The following EPHA2 variants were observed in gnomAD, a reference collection of about 807,000 sequenced individuals.
The protein encoded by EPHA2 is ephrin type-A receptor 2.
In EPHA2, 54 loss-of-function variants were observed where a neutral mutation model predicts 104.9. The observed-to-expected ratio is 0.51, with a 90% CI of 0.41 to 0.65. The LOEUF (loss-of-function observed/expected upper bound fraction) is 0.65. Ranked by LOEUF, EPHA2 falls within the 30% of genes least tolerant of loss-of-function variation. EPHA2 has a pLI of 0.00. For missense variants in EPHA2, 1,117 were observed against 1,369.5 expected (o/e 0.82, Z 2.91); for synonymous variants, 560 against 559.1 (o/e 1.00, Z -0.02).
At chr1:16,153,131 A>T (rs373072060) in intron 1 of EPHA2, 1 of 14,696 alleles carries the variant, frequency 6.8e-5, no homozygotes, top group Non-Finnish European at 1.6e-4. Flanking sequence ...TTCTGGGGGG[A>T]AAAAAAAAAA....
intron 1 of EPHA2, 94 bp downstream of exon 1, chr1:16,155,754 A>C: frequency 9.8e-7 from 1 of 1,018,630 alleles, no homozygotes; most frequent in Non-Finnish European, 1.3e-6. Context: ...GGGCGACACC[A>C]GGTAGGTTCC....
chr1:16,135,608 C>T lies in EPHA2; in HGVS notation c.1428+47G>A, dbSNP rs1296235945. 1 of 1,557,412 alleles carries T rather than the reference C, an allele frequency of 6.4e-7. No homozygotes were observed. Among genetic ancestry groups the T allele is most frequent in the African/African-American group, 1.4e-5 (1 of 73,890 alleles). ...GATCATCTATGTGACCAGCCTGTCCCCTGCTGTCGGCCCAGCTAGAGCCAG... is the reference window on the plus strand; with the variant it reads ...GATCATCTATGTGACCAGCCTGTCCTCTGCTGTCGGCCCAGCTAGAGCCAG... On this transcript the variant is annotated intron_variant, in intron 6 of 16. Coordinates refer to ENST00000358432, the MANE Select transcript of EPHA2 (RefSeq NM_004431.5). This position sits in a 1 kb window ranked among gnomAD's most constrained non-coding sequence, Gnocchi z 4.3.
In EPHA2 at chr1:16,134,825, T is replaced by C. The variant is rs1232243240; in HGVS notation, c.1582+211A>G. Among the ~76,000 whole-genome samples, 1 of 152,216 alleles carries C rather than the reference T, an allele frequency of 6.6e-6. No homozygotes were observed. The highest frequency in any genetic ancestry group is 1.5e-5 in the Non-Finnish European group (1 of 68,030). The stretch of plus-strand genomic sequence containing the variant: ...GGATTTGAACTTCCTCACACCACTG[T>C]CGTGAATCCACATCCCGGCTCCTCC... On this transcript the variant is annotated intron_variant, in intron 7 of 16. Transcript: ENST00000358432. This position sits in a 1 kb window ranked among gnomAD's most constrained non-coding sequence, Gnocchi z 4.5.
intron 16 of EPHA2, among the ~76,000 whole-genome samples, chr1:16,126,429 G>A (rs1266797817): frequency 2.6e-5 from 4 of 152,176 alleles, no homozygotes; most frequent in Non-Finnish European, 5.9e-5. Context: ...TTTCCCACAG[G>A]CTCCGGGAGC....
intron 3 of EPHA2, among the ~76,000 whole-genome samples, chr1:16,147,118 G>C (rs1397621194): frequency 6.6e-6 from 1 of 152,226 alleles, no homozygotes; most frequent in Non-Finnish European, 1.5e-5. Flanking sequence ...CATTGCTGTG[G>C]AGATTTCCGC....
rs775739772 is a variant in EPHA2, at chr1:16,148,791, C to T, written c.410G>A (p.Arg137His). ...DLDYGTNFQK[R>H]LFTKIDTIAP... ...AATGGTGTCAATCTTGGTGAACAGG[C>T]GCTTCTGGAAGTTGGTGCCGTAGTC... is the stretch of plus-strand genomic sequence containing the variant. The change falls in exon 3 of 17, where the codon CGC becomes CAC. Residue 137 changes from arginine to histidine, a missense_variant. Physicochemically the swap from Arg to His is conservative, Grantham distance 29. Coordinates refer to ENST00000358432, the MANE Select transcript of EPHA2 (RefSeq NM_004431.5). The surrounding 1 kb of genome is among the most constrained non-coding windows in gnomAD (Gnocchi z 4.9). 56 of 1,614,104 alleles carry T rather than the reference C, an allele frequency of 3.5e-5. No individual in the cohort carries two copies. The highest frequency in any genetic ancestry group is 3.2e-4 in the Admixed American group (19 of 60,024).
rs1361524505 is a variant in EPHA2 at position 16,155,854 on chromosome 1, T to C, written c.79A>G (p.Lys27Glu). 1.4e-6 allele frequency: 2 copies of C among 1,452,478 alleles called. No individual in the cohort carries two copies. The highest frequency in any genetic ancestry group is 1.4e-5 in the South Asian group (1 of 73,746). The allele number at this position is 1,452,478 out of a possible 1,614,324, so 90.0% of individuals were successfully genotyped here. A position where few individuals can be genotyped will look rare whatever the true frequency, so the allele number is the denominator to read the frequency against. The change falls in exon 1 of 17, where the codon AAG (lysine) becomes GAG (glutamate). Residue 27 changes from lysine to glutamate, a missense_variant. Transcript: ENST00000358432. ...ALAAAAAAQG[K>E]EVVLLDFAAA... Reference sequence around the variant, plus strand: ...AGACGCCGCGCGCACTCACCTTCCTTGCCCTGCGCCGCCGCGGCCGCGGCC... The same window carrying C: ...AGACGCCGCGCGCACTCACCTTCCTCGCCCTGCGCCGCCGCGGCCGCGGCC...
At chr1:16,144,796 G>C (rs2024895621) in intron 3 of EPHA2, among the ~76,000 whole-genome samples, 1 of 150,614 alleles carries the variant, frequency 6.6e-6, no homozygotes, top group African/African-American at 2.5e-5. Context: ...TCCTGTGCCA[G>C]GCCCCCGTTC....
chr1:16,125,284 G>A lies in EPHA2; in HGVS notation c.2862C>T (p.His954=). The A allele has an allele frequency of 6.2e-7, 1 of 1,613,842 alleles. No individual in the cohort carries two copies. The highest frequency in any genetic ancestry group is 1.1e-5 in the South Asian group (1 of 91,048). The change falls in exon 17 of 17, where the codon CAC becomes CAT. Residue 954 remains histidine, a synonymous_variant. Coordinates refer to ENST00000358432, the MANE Select transcript of EPHA2 (RefSeq NM_004431.5). This position sits in a 1 kb window ranked among gnomAD's most constrained non-coding sequence, Gnocchi z 4.9. The part of the protein sequence containing the change: ...IKRIGVRLPG[H]QKRIAYSLLG... ...GCAGGCTGTAGGCGATGCGCTTCTG[G>A]TGGCCGGGCAGCCGCACCCCAATCC... is the stretch of plus-strand genomic sequence containing the variant.
Position 16,155,877 on chromosome 1 carries a change from G to C in EPHA2, c.56C>G (p.Ala19Gly), listed in dbSNP as rs1208200708. The change falls in exon 1 of 17, where the codon GCC becomes GGC. Residue 19 changes from alanine to glycine, a missense_variant. By Grantham distance (60) the Ala-to-Gly change is moderately conservative. Transcript: ENST00000358432. ...CFALLWGCAL[A>G]AAAAAQGKEV... ...CTTGCCCTGCGCCGCCGCGGCCGCG[G>C]CCAGCGCACAGCCCCACAGCAGGGC... The C allele has an allele frequency of 6.8e-7, 1 of 1,464,944 alleles. No individual in the cohort carries two copies. The highest frequency in any genetic ancestry group is 9.0e-7 in the Non-Finnish European group (1 of 1,115,356). The allele number at this position is 1,464,944 out of a possible 1,614,324, so 90.7% of individuals were successfully genotyped here.
chr1:16,136,225 G>A (rs2024680301), intron 5 of EPHA2, among the ~76,000 whole-genome samples: 1 of 151,692 alleles, frequency 6.6e-6, no homozygotes. Context: ...CAGAGCACAG[G>A]GCCAGAGCCC....
Position 16,135,108 on chromosome 1 carries a change from G to A in EPHA2, c.1510C>T (p.Leu504=), listed in dbSNP as rs1045391499. The change falls in exon 7 of 17, where the codon CTG becomes TTG. Residue 504 remains leucine (L), a synonymous_variant. Transcript: ENST00000358432. This position sits in a 1 kb window ranked among gnomAD's most constrained non-coding sequence, Gnocchi z 4.3. ...TGCGTCAGTGCCTGCACCTGGACCA[G>A]GTAGGTGGTGTCTGGGGCCAGGTCG... ...LDDLAPDTTY[L]VQVQALTQEG... 3 of 1,613,892 alleles carry A rather than the reference G, an allele frequency of 1.9e-6. No homozygotes were observed. Among genetic ancestry groups the A allele is most frequent in the Non-Finnish European group, 2.5e-6 (3 of 1,180,036 alleles).
In EPHA2 at chr1:16,131,853, G is replaced by A. The variant is rs1194179533; in HGVS notation, c.2343C>T (p.Ile781=). Residue 781 remains isoleucine (I), a synonymous_variant, in exon 14 of 17, where the codon ATC becomes ATT. Coordinates refer to ENST00000358432, the MANE Select transcript of EPHA2 (RefSeq NM_004431.5). The surrounding 1 kb of genome is among the most constrained non-coding windows in gnomAD (Gnocchi z 5.2). The part of the protein sequence containing the change: ...TYTTSGGKIP[I]RWTAPEAISY... ...AAATGGCCTCCGGGGCGGTCCAGCG[G>A]ATGGGGATCTTGCCGCCCTGCAGGG... 6.2e-7 allele frequency: 1 copy of A among 1,613,818 alleles called. No individual in the cohort carries two copies. Among genetic ancestry groups the A allele is most frequent in the African/African-American group, 1.3e-5 (1 of 74,938 alleles).
Position 16,125,438 on chromosome 1 carries a change from G to A in EPHA2, c.2826-118C>T. The A allele has an allele frequency of 6.9e-6, 5 of 729,784 alleles. No homozygotes were observed. Among genetic ancestry groups the A allele is most frequent in the Non-Finnish European group, 1.1e-5 (5 of 444,630 alleles). The allele number at this position is 729,784 out of a possible 1,614,324, so 45.2% of individuals were successfully genotyped here. ...AGGGGAGTGGAGGGAGGCAGAGGAG[G>A]AGGGTGGAGAGGGTGCCTTGGGGAC... On this transcript the variant is annotated intron_variant, in intron 16 of 16. Coordinates refer to ENST00000358432, the MANE Select transcript of EPHA2 (RefSeq NM_004431.5). This position sits in a 1 kb window ranked among gnomAD's most constrained non-coding sequence, Gnocchi z 4.9.
Position 16,132,131 on chromosome 1 carries a change from C to A in EPHA2, c.2258G>T (p.Cys753Phe). The stretch of plus-strand genomic sequence containing the variant: ...GGACAGGCCAAAGTCAGACACCTTG[C>A]AGACCAGGTTGCTGTTGACGAGGAT... ...RNILVNSNLVCKVSDFGLSRV... is the reference protein window; with the variant it reads ...RNILVNSNLVFKVSDFGLSRV... Residue 753 changes from cysteine to phenylalanine, a missense_variant, in exon 13 of 17, where the codon TGC becomes TTC. Around this residue, in one of 3 missense-constraint regions of EPHA2, gnomAD observed 340 missense variants for 480.5 expected, o/e 0.71. Coordinates refer to ENST00000358432, the MANE Select transcript of EPHA2 (RefSeq NM_004431.5). 1 of 1,614,238 alleles carries A rather than the reference C, an allele frequency of 6.2e-7. No individual in the cohort carries two copies. The highest frequency in any genetic ancestry group is 8.5e-7 in the Non-Finnish European group (1 of 1,180,032).
Position 16,131,500 on chromosome 1 carries a change from A to C in EPHA2, c.2475+221T>G, listed in dbSNP as rs532266618. On this transcript the variant is annotated intron_variant, in intron 14 of 16. Coordinates refer to ENST00000358432, the MANE Select transcript of EPHA2 (RefSeq NM_004431.5). This position sits in a 1 kb window ranked among gnomAD's most constrained non-coding sequence, Gnocchi z 5.2. ...GAGGCTGAGGCAGGAGAATTGCTTGAACCTGGGAGGTGGAGGTTGCAGTGA... is the reference window on the plus strand; with the variant it reads ...GAGGCTGAGGCAGGAGAATTGCTTGCACCTGGGAGGTGGAGGTTGCAGTGA... 1.3e-5 allele frequency among the ~76,000 whole-genome samples: 2 copies of C among 152,238 alleles called. No homozygotes were observed. The highest frequency in any genetic ancestry group is 3.9e-4 in the East Asian group (2 of 5,170).
In EPHA2 at chr1:16,134,929, G is replaced by A. The variant is rs142145075; in HGVS notation, c.1582+107C>T. On this transcript the variant is annotated intron_variant, in intron 7 of 16. Coordinates refer to ENST00000358432, the MANE Select transcript of EPHA2 (RefSeq NM_004431.5). This position sits in a 1 kb window ranked among gnomAD's most constrained non-coding sequence, Gnocchi z 4.5. The stretch of plus-strand genomic sequence containing the variant: ...GGGCTGTCCCAGGCCGCCGGTGACC[G>A]AGAAAGGGGCATTTCTAAGTTATTT... 1.1e-3 allele frequency: 1,695 copies of A among 1,545,490 alleles called. 3 individuals carry two copies. The highest frequency in any genetic ancestry group is 1.4e-3 in the Non-Finnish European group (1,582 of 1,142,306).
intron 16 of EPHA2, among the ~76,000 whole-genome samples, chr1:16,129,128 T>C (rs1258377541): frequency 1.3e-5 from 2 of 150,754 alleles, no homozygotes; most frequent in Non-Finnish European, 3.0e-5. Flanking sequence ...TGGGTTCTCA[T>C]TCAAAGTGCT....
rs1023959088 is a variant in EPHA2, at chr1:16,128,602, C to A, written c.2825+832G>T. Among the ~76,000 whole-genome samples, 7 of 152,170 alleles carry A rather than the reference C, an allele frequency of 4.6e-5. No individual in the cohort carries two copies. Among genetic ancestry groups the A allele is most frequent in the African/African-American group, 1.7e-4 (7 of 41,428 alleles). On this transcript the variant is annotated intron_variant, in intron 16 of 16. Transcript: ENST00000358432. This position sits in a 1 kb window ranked among gnomAD's most constrained non-coding sequence, Gnocchi z 4.7. Reference sequence around the variant, plus strand: ...CACAAGCTGGGTTGTTGAAACTGGCCACTATTTTTAGAGGCACAAAAGGCT... The same window carrying A: ...CACAAGCTGGGTTGTTGAAACTGGCAACTATTTTTAGAGGCACAAAAGGCT...
Sources: allele counts gnomAD v4.1 joint callset (sites outside exome capture counted in the v4.1 genomes callset), GRCh38; gene constraint gnomAD v4.1.1; regional missense constraint gnomAD v4.1.1; non-coding constraint Gnocchi (gnomAD v3.1); transcripts MANE v1.5; gene names NCBI Gene and HGNC (gene_info 2026-07-23, HGNC 2026-07-21).